Variants in EVPL observed in about 807,000 individuals in gnomAD.
EVPL encodes envoplakin, also known as 210 kDa cornified envelope precursor protein.
A neutral mutation model predicts 129.7 loss-of-function variants in EVPL; 94 were observed. That is an observed-to-expected ratio of 0.72 (90% CI 0.61 to 0.86). The LOEUF (loss-of-function observed/expected upper bound fraction) is 0.86. Among genes scored for constraint, EVPL ranks in the 40% least tolerant of loss-of-function variants. The pLI is 0.00. For missense variants in EVPL, 2,625 were observed against 2,721.1 expected (o/e 0.96, Z 0.79); for synonymous variants, 1,172 against 1,191.1 (o/e 0.98, Z 0.33).
chr17:76,018,428 A>G lies in EVPL; in HGVS notation c.1439+18T>C. 2 of 1,605,926 alleles carry G rather than the reference A, an allele frequency of 1.2e-6. No homozygotes were observed. Among genetic ancestry groups the G allele is most frequent in the Non-Finnish European group, 1.7e-6 (2 of 1,177,352 alleles). ...CTCTGCCCACAGCCTGCCCCTGAGT[A>G]TCCCTACACAGACCTACCGGGAGGC... On this transcript the variant is annotated intron_variant, in intron 12 of 21. Coordinates refer to ENST00000301607, the MANE Select transcript of EVPL (RefSeq NM_001988.4).
chr17:76,027,009 G>A, intron 1 of EVPL, 92 bp downstream of exon 1: 2 of 732,480 alleles, frequency 2.7e-6, no homozygotes, highest in Non-Finnish European at 4.4e-6. Context: ...CCTGGGCTCT[G>A]GGCCGCCGCC....
Position 76,007,375 on chromosome 17 carries a change from G to GCC in EVPL, c.5828_5829dup (p.Leu1944GlyfsTer21). 3 of 1,596,674 alleles carry GCC rather than the reference G, an allele frequency of 1.9e-6. No homozygotes were observed. Among genetic ancestry groups the GCC allele is most frequent in the East Asian group, 4.5e-5 (2 of 44,506 alleles). ...CGGCCTGTCCTCTTGGGGTCGATGAGCCCCCCGGTCAGGTGCTGCACCTGC... is the reference window on the plus strand; with the variant it reads ...CGGCCTGTCCTCTTGGGGTCGATGAGCCCCCCCCGGTCAGGTGCTGCACCTGC... On this transcript the variant is annotated frameshift_variant, in exon 22 of 22. Coordinates refer to ENST00000301607, the MANE Select transcript of EVPL (RefSeq NM_001988.4). LOFTEE classifies it low-confidence loss of function (END_TRUNC). The surrounding 1 kb of genome is among the most constrained non-coding windows in gnomAD (Gnocchi z 8.8).
rs768228452 is a variant in EVPL, at chr17:76,023,406, C to T, written c.366G>A (p.Leu122=). ...CACACTCCTGGGTCACCCGCTCGTGCAGCTGCTTGATGCTGTCAAGAAGGT... is the reference window on the plus strand; with the variant it reads ...CACACTCCTGGGTCACCCGCTCGTGTAGCTGCTTGATGCTGTCAAGAAGGT... The part of the protein sequence containing the change: ...AEEIEKDIKQ[L]HERVTQECAE... Residue 122 remains leucine (L), a synonymous_variant, in exon 4 of 22, where the codon CTG becomes CTA. Coordinates refer to ENST00000301607, the MANE Select transcript of EVPL (RefSeq NM_001988.4). 3.7e-6 allele frequency: 6 copies of T among 1,613,878 alleles called. No homozygotes were observed. The South Asian group carries it at 5.5e-5, about 15-fold the overall frequency.
In EVPL at chr17:76,018,484, G is replaced by A; in HGVS notation, c.1401C>T (p.Ile467=). Residue 467 remains isoleucine, a synonymous_variant, in exon 12 of 22, where the codon ATC becomes ATT. Coordinates refer to ENST00000301607, the MANE Select transcript of EVPL (RefSeq NM_001988.4). Reference sequence around the variant, plus strand: ...CCACAGCATCAGGGTCTGGTGCTGGGATGCAGAAGCAGGCGGCGGGAGCAC... The same window carrying A: ...CCACAGCATCAGGGTCTGGTGCTGGAATGCAGAAGCAGGCGGCGGGAGCAC... ...TKRAPAACFC[I]PAPDPDAVAR... is the part of the protein sequence containing the mutation. The A allele has an allele frequency of 6.2e-7, 1 of 1,612,690 alleles. No individual in the cohort carries two copies. The highest frequency in any genetic ancestry group is 1.7e-5 in the Admixed American group (1 of 59,968).
chr17:76,024,082 A>G lies in EVPL; in HGVS notation c.137T>C (p.Met46Thr), dbSNP rs772732376. The G allele has an allele frequency of 6.2e-7, 1 of 1,613,744 alleles. No individual in the cohort carries two copies. The highest frequency in any genetic ancestry group is 8.5e-7 in the Non-Finnish European group (1 of 1,179,964). Reference protein sequence around the residue: ...TQELALLISRMQANADQVERD... With the variant: ...TQELALLISRTQANADQVERD... Reference sequence around the variant, plus strand: ...CTCCACCTGGTCGGCGTTGGCTTGCATGCGGGAGATGAGAAGGGCCAGCTC... The same window carrying G: ...CTCCACCTGGTCGGCGTTGGCTTGCGTGCGGGAGATGAGAAGGGCCAGCTC... The change falls in exon 2 of 22, where the codon ATG becomes ACG. Residue 46 changes from methionine to threonine, a missense_variant. Met to Thr is a moderately conservative substitution (Grantham distance 81). This residue lies in a region of EVPL where 139 missense variants were observed against 186.8 expected (regional missense o/e 0.74). Transcript: ENST00000301607. This position sits in a 1 kb window ranked among gnomAD's most constrained non-coding sequence, Gnocchi z 4.5.
chr17:76,009,930 G>A lies in EVPL; in HGVS notation c.3275C>T (p.Ala1092Val), dbSNP rs770179994. The A allele has an allele frequency of 8.7e-6, 14 of 1,613,986 alleles. No individual in the cohort carries two copies. Among genetic ancestry groups the A allele is most frequent in the Non-Finnish European group, 1.2e-5 (14 of 1,180,046 alleles). Reference protein sequence around the residue: ...VEKNLEMVKAAQALRLQMEED... With the variant: ...VEKNLEMVKAVQALRLQMEED... ...CTCCATCTGCAGCCTCAGAGCCTGGGCTGCCTTGACCATTTCCAGATTCTT... is the reference window on the plus strand; with the variant it reads ...CTCCATCTGCAGCCTCAGAGCCTGGACTGCCTTGACCATTTCCAGATTCTT... Residue 1092 changes from alanine to valine, a missense_variant, in exon 22 of 22, where the codon GCC becomes GTC. Coordinates refer to ENST00000301607, the MANE Select transcript of EVPL (RefSeq NM_001988.4). The surrounding 1 kb of genome is among the most constrained non-coding windows in gnomAD (Gnocchi z 5.9).
At chr17:76,019,711 T>C in intron 9 of EVPL, 58 bp from the exon 10 acceptor site, 1 of 1,565,290 alleles carries the variant, frequency 6.4e-7, no homozygotes, top group Non-Finnish European at 8.6e-7. Flanking sequence ...CCACTGACCC[T>C]ACAAACCAGC....
chr17:76,009,997 C>G lies in EVPL; in HGVS notation c.3208G>C (p.Val1070Leu), dbSNP rs369794356. 2 of 1,613,616 alleles carry G rather than the reference C, an allele frequency of 1.2e-6. No homozygotes were observed. Among genetic ancestry groups the G allele is most frequent in the Non-Finnish European group, 1.7e-6 (2 of 1,180,040 alleles). Residue 1070 changes from valine (V) to leucine (L), a missense_variant, in exon 22 of 22, where the codon GTG becomes CTG. Val to Leu is a conservative substitution (Grantham distance 32). Around this residue, in one of 4 missense-constraint regions of EVPL, gnomAD observed 1,453 missense variants for 1,511.8 expected, o/e 0.96. Coordinates refer to ENST00000301607, the MANE Select transcript of EVPL (RefSeq NM_001988.4). The surrounding 1 kb of genome is among the most constrained non-coding windows in gnomAD (Gnocchi z 5.9). ...TCTTTCACCACGACCTTCTCCTTCA[C>G]GTCCACCTCCCTCTTCTCAAGGGCC... is the stretch of plus-strand genomic sequence containing the variant. ...LLALEKREVDVKEKVVVKEVV... is the reference protein window; with the variant it reads ...LLALEKREVDLKEKVVVKEVV...
At position 76,008,268 on chromosome 17, in the gene EVPL, A is replaced by C. The variant is rs1455456117; in HGVS notation, c.4937T>G (p.Leu1646Arg). The part of the protein sequence containing the change: ...QELSRLEAAI[L>R]REKDQIYEKE... Reference sequence around the variant, plus strand: ...CTCGTAGATCTGGTCCTTCTCGCGGAGGATGGCCGCCTCCAGCCGCGAGAG... The same window carrying C: ...CTCGTAGATCTGGTCCTTCTCGCGGCGGATGGCCGCCTCCAGCCGCGAGAG... Residue 1646 changes from leucine to arginine, a missense_variant, in exon 22 of 22, where the codon CTC becomes CGC. Around this residue, in one of 4 missense-constraint regions of EVPL, gnomAD observed 1,453 missense variants for 1,511.8 expected, o/e 0.96. Transcript: ENST00000301607. The surrounding 1 kb of genome is among the most constrained non-coding windows in gnomAD (Gnocchi z 7.4). 5 of 1,612,410 alleles carry C rather than the reference A, an allele frequency of 3.1e-6. No homozygotes were observed. The highest frequency in any genetic ancestry group is 3.3e-4 in the Middle Eastern group (2 of 6,058).
rs538000253 is a variant in EVPL, at chr17:76,012,437, G to C, written c.2374-348C>G. Reference sequence around the variant, plus strand: ...AGCTTCCTGAGTAGCTGGAATGACAGGTGCCTGCCACCATGCCAGGCTAAT... The same window carrying C: ...AGCTTCCTGAGTAGCTGGAATGACACGTGCCTGCCACCATGCCAGGCTAAT... On this transcript the variant is annotated intron_variant, in intron 18 of 21. Transcript: ENST00000301607. 6 of 229,104 alleles carry C rather than the reference G, an allele frequency of 2.6e-5. No homozygotes were observed. The East Asian group carries it at 5.0e-4, about 19-fold the overall frequency. The allele number at this position is 229,104 out of a possible 1,614,324, so 14.2% of individuals were successfully genotyped here.
At chr17:76,023,468 G>A (rs765353790) in intron 3 of EVPL, 32 bp downstream of exon 3, 2 of 1,611,922 alleles carry the variant, frequency 1.2e-6, no homozygotes, top group Non-Finnish European at 1.7e-6. Flanking sequence ...GTCTTCCCCA[G>A]GGACCCCCAG....
chr17:76,018,730 G>C, intron 11 of EVPL, 130 bp from the exon 12 acceptor site: 1 of 1,222,114 alleles, frequency 8.2e-7, no homozygotes, highest in East Asian at 2.5e-5. Flanking sequence ...AGGGTGGGAG[G>C]TGCTGGGGTA....
In EVPL at chr17:76,024,024, C is replaced by T. The variant is rs2066482183; in HGVS notation, c.195G>A (p.Gln65=). 3 of 1,612,602 alleles carry T rather than the reference C, an allele frequency of 1.9e-6. No homozygotes were observed. Among genetic ancestry groups the T allele is most frequent in the Non-Finnish European group, 8.5e-7 (1 of 1,179,566 alleles). Residue 65 remains glutamine (Q), a synonymous_variant, in exon 2 of 22, where the codon CAG becomes CAA. Transcript: ENST00000301607. The surrounding 1 kb of genome is among the most constrained non-coding windows in gnomAD (Gnocchi z 4.5). ...RDILETQKRL[Q]QDRLNSEQSQ... is the part of the protein sequence containing the mutation. ...CCAACTGCTGCCGGGGCCTCACCTG[C>T]TGCAGCCTCTTCTGCGTCTCCAGGA...
At position 76,011,861 on chromosome 17, in the gene EVPL, T is replaced by C. The variant is rs1598234194; in HGVS notation, c.2479A>G (p.Thr827Ala). ...GTGGGCTCCAAAGAGCAGCGGTAGGTGTCTGCCTGGAGCTCATAGTCCTGA... is the reference window on the plus strand; with the variant it reads ...GTGGGCTCCAAAGAGCAGCGGTAGGCGTCTGCCTGGAGCTCATAGTCCTGA... ...ALQDYELQAD[T>A]YRCSLEPTLA... The change falls in exon 20 of 22, where the codon ACC becomes GCC. Residue 827 changes from threonine to alanine, a missense_variant. Transcript: ENST00000301607. The C allele has an allele frequency of 1.2e-6, 2 of 1,613,272 alleles. No individual in the cohort carries two copies. The highest frequency in any genetic ancestry group is 1.7e-6 in the Non-Finnish European group (2 of 1,179,768).
intron 2 of EVPL, 107 bp downstream of exon 2, chr17:76,023,914 C>G: frequency 2.1e-6 from 3 of 1,407,688 alleles, no homozygotes; most frequent in Non-Finnish European, 2.9e-6. Flanking sequence ...GTCATCTGTC[C>G]CATCTTCACC....
chr17:76,020,250 T>A (rs1484910874), intron 9 of EVPL, among the ~76,000 whole-genome samples: 1 of 152,260 alleles, frequency 6.6e-6, no homozygotes, highest in Non-Finnish European at 1.5e-5. Flanking sequence ...TTCTTTTTCC[T>A]ACCCAGGCGG....
rs2066468358 is a variant in EVPL at position 76,022,434 on chromosome 17, C to T, written c.585G>A (p.Gln195=). ...LQKEIDAYGQ[Q]LRSLVGPDAA... ...CTACCGGCCCCACGAGGCTCCGCAG[C>T]TGCTGCCCATAGGCGTCGATCTCCT... is the stretch of plus-strand genomic sequence containing the variant. Residue 195 remains glutamine, a synonymous_variant, in exon 5 of 22, where the codon CAG becomes CAA. Coordinates refer to ENST00000301607, the MANE Select transcript of EVPL (RefSeq NM_001988.4). The surrounding 1 kb of genome is among the most constrained non-coding windows in gnomAD (Gnocchi z 5.6). 1.2e-6 allele frequency: 2 copies of T among 1,613,702 alleles called. No homozygotes were observed. The highest frequency in any genetic ancestry group is 2.7e-5 in the African/African-American group (2 of 74,944).
rs1326886160 is a variant in EVPL, at chr17:76,013,471, C to T, written c.2373+955G>A. On this transcript the variant is annotated intron_variant, in intron 18 of 21. Transcript: ENST00000301607. This position sits in a 1 kb window ranked among gnomAD's most constrained non-coding sequence, Gnocchi z 4.3. ...CTGGCCACCTCATTTCAGCATGACC[C>T]AGCCGGCCCCATTCCTCTCCCCAAA... Among the ~76,000 whole-genome samples the T allele has an allele frequency of 6.6e-6, 1 of 152,178 alleles. No individual in the cohort carries two copies. The highest frequency in any genetic ancestry group is 2.4e-5 in the African/African-American group (1 of 41,448).
intron 4 of EVPL, among the ~76,000 whole-genome samples, chr17:76,023,084 T>G (rs1235264488): frequency 1.3e-5 from 2 of 152,232 alleles, no homozygotes; most frequent in Admixed American, 1.3e-4. Context: ...CTGGCCCAAC[T>G]GAGCCCTCTC....
Sources: gnomAD v4.1 joint callset for allele counts (sites outside exome capture counted in the v4.1 genomes callset) on GRCh38, gnomAD v4.1.1 for gene constraint, gnomAD v4.1.1 regional missense constraint, Gnocchi (gnomAD v3.1) non-coding constraint, MANE v1.5 for transcripts, NCBI Gene and HGNC (gene_info 2026-07-23, HGNC 2026-07-21) for gene names.